The following PPP6R2 variants were observed in gnomAD, a reference collection of about 807,000 sequenced individuals.
The protein encoded by PPP6R2 is serine/threonine-protein phosphatase 6 regulatory subunit 2.
Under a neutral mutation model 100.2 loss-of-function variants are expected in PPP6R2, and 62 were observed. That is an observed-to-expected ratio of 0.62 (90% CI 0.50 to 0.76). The LOEUF (loss-of-function observed/expected upper bound fraction) is 0.76. Among genes scored for constraint, PPP6R2 ranks in the 30% least tolerant of loss-of-function variants. The probability of loss-of-function intolerance (pLI) is 0.00; values close to 1 mark genes in which losing one functional copy is unlikely to be tolerated. For synonymous variants in PPP6R2, 525 were observed against 514.7 expected (o/e 1.02, Z -0.27); for missense variants, 1,142 against 1,276.3 (o/e 0.89, Z 1.60).
intron 3 of PPP6R2, among the ~76,000 whole-genome samples, chr22:50,397,899 G>T (rs1467503842): frequency 6.1e-5 from 8 of 131,322 alleles, no homozygotes; most frequent in African/African-American, 2.5e-4. Context: ...TTGGGATGGG[G>T]GCGGGGGGGC....
intron 13 of PPP6R2, among the ~76,000 whole-genome samples, chr22:50,435,551 G>T (rs1327941009): frequency 1.3e-5 from 2 of 152,206 alleles, no homozygotes; most frequent in Non-Finnish European, 2.9e-5. Context: ...AACGCAGTGG[G>T]TTAGGTGGGC....
At chr22:50,335,252 A>T in the PPP6R2 span, among the ~76,000 whole-genome samples, 1 of 127,736 alleles carries the variant, frequency 7.8e-6, no homozygotes, top group African/African-American at 2.8e-5. Flanking sequence ...TTTAGTAGAG[A>T]TGGGTTTTCA....
chr22:50,431,193 CT>C lies in PPP6R2; in HGVS notation c.1147del (p.Trp383GlyfsTer13). The C allele has an allele frequency of 6.2e-7, 1 of 1,612,898 alleles. No individual in the cohort carries two copies. Among genetic ancestry groups the C allele is most frequent in the Non-Finnish European group, 8.5e-7 (1 of 1,179,058 alleles). On this transcript the variant is annotated frameshift_variant, in exon 11 of 24. Transcript: ENST00000612753. LOFTEE classifies it high-confidence loss of function. The surrounding 1 kb of genome is among the most constrained non-coding windows in gnomAD (Gnocchi z 4.8). ...CCCAGGACTTGTTCTTTAAGTACAC[CT>C]GGAATAACTTTTTGCACTTCCAAGT... ...LLLDLFFKYT[W>X]NNFLHFQVEL...
In PPP6R2 at chr22:50,414,572, G is replaced by C. The variant is rs2060258479; in HGVS notation, c.435G>C (p.Lys145Asn). The C allele has an allele frequency of 1.9e-6, 3 of 1,614,086 alleles. No homozygotes were observed. The highest frequency in any genetic ancestry group is 1.7e-6 in the Non-Finnish European group (2 of 1,179,970). The stretch of plus-strand genomic sequence containing the variant: ...TTCAGGTGATTACGTTTTTGAAGAA[G>C]AAGGACAAGTTCATCAGCCTGGTGT... ...KTEQVITFLK[K>N]KDKFISLVLK... The change falls in exon 5 of 24, where the codon AAG becomes AAC. Residue 145 changes from lysine (K) to asparagine (N), a missense_variant. This residue lies in a region of PPP6R2 where 592 missense variants were observed against 758.9 expected (regional missense o/e 0.78). Transcript: ENST00000612753.
intron 11 of PPP6R2, 132 bp from the exon 12 acceptor site, chr22:50,432,133 C>A: frequency 1.3e-6 from 1 of 788,826 alleles, no homozygotes; most frequent in Non-Finnish European, 2.1e-6. Flanking sequence ...GCTGTGCGTG[C>A]GCAGCAGTCA....
intron 3 of PPP6R2, among the ~76,000 whole-genome samples, chr22:50,399,490 A>G (rs961765872): frequency 6.6e-6 from 1 of 152,240 alleles, no homozygotes; most frequent in African/African-American, 2.4e-5. Flanking sequence ...GCCTCCCGCA[A>G]CCTGTTAGCC....
At chr22:50,416,895 G>A (rs2147593473) in intron 6 of PPP6R2, among the ~76,000 whole-genome samples, 1 of 151,862 alleles carries the variant, frequency 6.6e-6, no homozygotes, top group African/African-American at 2.4e-5. Flanking sequence ...AGGGGAGCTT[G>A]CAGTGAGCCG....
chr22:50,378,883 TA>T (rs112688457), intron 2 of PPP6R2, among the ~76,000 whole-genome samples: 16,077 of 128,290 alleles, frequency 0.13, 1,485 homozygotes, highest in African/African-American at 0.28. Context: ...CTGTCCCAAT[TA>T]AAAAAAAAAA....
intron 1 of PPP6R2, among the ~76,000 whole-genome samples, chr22:50,355,468 G>A (rs1467372562): frequency 4.7e-5 from 7 of 148,780 alleles, no homozygotes; most frequent in Non-Finnish European, 1.0e-4. Flanking sequence ...CCTCGTGATC[G>A]GCCGCCCGCC....
intron 3 of PPP6R2, among the ~76,000 whole-genome samples, chr22:50,401,215 A>AT (rs974180008): frequency 1.9e-4 from 28 of 148,408 alleles, no homozygotes; most frequent in East Asian, 3.9e-4. Context: ...TTAAAATTTT[A>AT]TTTTTTTTTT....
chr22:50,338,259 T>G, the PPP6R2 span, among the ~76,000 whole-genome samples: 1 of 137,334 alleles, frequency 7.3e-6, no homozygotes, highest in East Asian at 2.2e-4. Flanking sequence ...TGTCTATGTG[T>G]GGTGCGTGTG....
At chr22:50,339,145 G>GGT (rs760703387), upstream of PPP6R2, among the ~76,000 whole-genome samples, 2 of 144,004 alleles carry the variant, frequency 1.4e-5, no homozygotes, top group African/African-American at 2.6e-5. Flanking sequence ...TGTGGTTTGT[G>GGT]GTGTGTGTGT....
rs140309473 is a variant in PPP6R2 at position 50,438,690 on chromosome 22, G to A, written c.2056G>A (p.Asp686Asn). 1 of 1,613,950 alleles carries A rather than the reference G, an allele frequency of 6.2e-7. No homozygotes were observed. The highest frequency in any genetic ancestry group is 8.5e-7 in the Non-Finnish European group (1 of 1,179,998). The change falls in exon 19 of 24, where the codon GAT becomes AAT. Residue 686 changes from aspartate to asparagine, a missense_variant. By Grantham distance (23) the Asp-to-Asn change is conservative. Around this residue, in one of 2 missense-constraint regions of PPP6R2, gnomAD observed 550 missense variants for 517.4 expected, o/e 1.06. Transcript: ENST00000612753. ...GAAGGCGAGCTTGGAAGCACACAGA[G>A]ATGCACCTGGGGCAGGTGCCCCACC... ...DGKASLEAHRDAPGAGAPPAP... is the reference protein window; with the variant it reads ...DGKASLEAHRNAPGAGAPPAP...
chr22:50,386,175 C>G (rs2054221044), intron 2 of PPP6R2, among the ~76,000 whole-genome samples: 1 of 150,998 alleles, frequency 6.6e-6, no homozygotes, highest in Non-Finnish European at 1.5e-5. Context: ...TGGAGTCTTG[C>G]TCTGTCTCCC....
chr22:50,404,895 C>A (rs2058611745), intron 3 of PPP6R2, among the ~76,000 whole-genome samples: 1 of 152,170 alleles, frequency 6.6e-6, no homozygotes, highest in Non-Finnish European at 1.5e-5. Context: ...GGGTCATGCA[C>A]CAGGCCTTGC....
intron 12 of PPP6R2, among the ~76,000 whole-genome samples, chr22:50,432,684 G>A (rs1372956066): frequency 2.0e-5 from 3 of 152,214 alleles, no homozygotes; most frequent in Non-Finnish European, 4.4e-5. Context: ...ACACAGGGAC[G>A]CGTTATTTTG....
In PPP6R2 at chr22:50,432,313, G is replaced by A; in HGVS notation, c.1384G>A (p.Ala462Thr). The change falls in exon 12 of 24, where the codon GCC (alanine) becomes ACC (threonine). Residue 462 changes from alanine to threonine, a missense_variant. Ala to Thr is a moderately conservative substitution (Grantham distance 58, BLOSUM62 0). Transcript: ENST00000612753. ...GCAGAGGATCCTGGAGGCCTGGGAA[G>A]CCAACGACCACACGCAGTAAGAGCC... ...LVQRILEAWE[A>T]NDHTQAAGGM... is the part of the protein sequence containing the mutation. 6.5e-7 allele frequency: 1 copy of A among 1,549,526 alleles called. No homozygotes were observed. Among genetic ancestry groups the A allele is most frequent in the South Asian group, 1.2e-5 (1 of 84,006 alleles).
chr22:50,338,087 AGTGT>A, the PPP6R2 span, among the ~76,000 whole-genome samples: 4 of 65,874 alleles, frequency 6.1e-5, no homozygotes, highest in Admixed American at 4.7e-4. Context: ...TGTGATGTGT[AGTGT>A]GTGTGGTGTG....
chr22:50,366,032 C>T (rs1441951183), intron 1 of PPP6R2, among the ~76,000 whole-genome samples: 1 of 152,078 alleles, frequency 6.6e-6, no homozygotes, highest in African/African-American at 2.4e-5. Context: ...TGAATTTTAT[C>T]TTGTTGGATA....
Sources: allele counts gnomAD v4.1 joint callset (sites outside exome capture counted in the v4.1 genomes callset), GRCh38; gene constraint gnomAD v4.1.1; regional missense constraint gnomAD v4.1.1; non-coding constraint Gnocchi (gnomAD v3.1); transcripts MANE v1.5; gene names NCBI Gene and HGNC (gene_info 2026-07-23, HGNC 2026-07-21).